GALNT2: variants seen among roughly 807,000 people sequenced by gnomAD.
GALNT2 encodes the protein UDP-GalNAc:polypeptide N-acetylgalactosaminyltransferase 2.
A neutral mutation model predicts 81.4 loss-of-function variants in GALNT2; 31 were observed. That is an observed-to-expected ratio of 0.38 (90% CI 0.29 to 0.51). The LOEUF (loss-of-function observed/expected upper bound fraction) is 0.51, where lower values mean the gene tolerates loss of function less well. GALNT2 is among the 20% of genes least tolerant of loss of function. GALNT2 has a pLI of 0.87. For synonymous variants in GALNT2, 303 were observed against 287.4 expected, an observed-to-expected ratio of 1.05 and a Z score of -0.55; for missense variants, 629 against 765.7, an observed-to-expected ratio of 0.82 and a Z score of 2.11.
chr1:230,263,797 A>G (rs926666348), intron 13 of GALNT2: 1 of 152,210 alleles, frequency 6.6e-6, no homozygotes, highest in Admixed American at 6.5e-5. Context: ...CGGCTCACAT[A>G]TCTCCAGCAC....
At position 230,236,001 on chromosome 1, in the gene GALNT2, T is replaced by A; in HGVS notation, c.375-13T>A. ...GGGTCATTGTTCAGAGGACCATCTT[T>A]CTCTTCCTGCAGGTGTCAGCGGAAG... is the stretch of plus-strand genomic sequence containing the variant. On this transcript the variant is annotated splice_polypyrimidine_tract_variant and intron_variant, in intron 3 of 15. Transcript: ENST00000366672. 6.2e-7 allele frequency: 1 copy of A among 1,613,536 alleles called. No individual in the cohort carries two copies. Among genetic ancestry groups the A allele is most frequent in the South Asian group, 1.1e-5 (1 of 91,050 alleles).
Position 230,243,538 on chromosome 1 carries a change from G to GGT in GALNT2, c.729+112_729+113dup. ...ACGCAGGGAGTAGGGCGTCAGGGCT[G>GGT]GTAGGGGCTGAGCTCGCCGTCTGCA... On this transcript the variant is annotated intron_variant, in intron 7 of 15. Coordinates refer to ENST00000366672, the MANE Select transcript of GALNT2 (RefSeq NM_004481.5). This position sits in a 1 kb window ranked among gnomAD's most constrained non-coding sequence, Gnocchi z 4.2. 6.6e-6 allele frequency: 9 copies of GGT among 1,359,642 alleles called. No homozygotes were observed. Among genetic ancestry groups the GGT allele is most frequent in the Non-Finnish European group, 8.8e-6 (9 of 1,020,584 alleles). 84.2% of individuals were successfully genotyped at this position (1,359,642 alleles called of 1,614,324 possible).
chr1:230,105,035 CTGTT>C (rs1237318127), intron 1 of GALNT2, among the ~76,000 whole-genome samples: 2 of 152,236 alleles, frequency 1.3e-5, no homozygotes, highest in Non-Finnish European at 2.9e-5. Context: ...ACCTTCGGCT[CTGTT>C]TGGGGCCCTT....
intron 1 of GALNT2, among the ~76,000 whole-genome samples, chr1:230,080,785 C>G (rs1278198011): frequency 6.6e-6 from 1 of 152,126 alleles, no homozygotes; most frequent in East Asian, 1.9e-4. Context: ...CTCAGTTTCC[C>G]CATTCACCTA....
intron 1 of GALNT2, among the ~76,000 whole-genome samples, chr1:230,133,426 G>A (rs115836226): frequency 0.016 from 2,441 of 150,778 alleles, 72 homozygotes; most frequent in African/African-American, 0.054. Context: ...GGTAGTTGAC[G>A]TTTCTGTTTC....
Position 230,203,265 on chromosome 1 carries a change from G to C in GALNT2, c.349G>C (p.Ala117Pro). ...GAGTGATAAGCTTCGAATGGACAGA[G>C]CCATCCCTGACACCCGGCATGACCA... ...VESDKLRMDR[A>P]IPDTRHDQCQ... is the part of the protein sequence containing the mutation. Residue 117 changes from alanine to proline, a missense_variant, in exon 3 of 16, where the codon GCC becomes CCC. This residue lies in a region of GALNT2 where 360 missense variants were observed against 492.8 expected (regional missense o/e 0.73). Coordinates refer to ENST00000366672, the MANE Select transcript of GALNT2 (RefSeq NM_004481.5). 3 of 1,614,152 alleles carry C rather than the reference G, an allele frequency of 1.9e-6. No homozygotes were observed. Among genetic ancestry groups the C allele is most frequent in the Non-Finnish European group, 2.5e-6 (3 of 1,180,006 alleles).
At chr1:230,209,806 A>G (rs1266631433) in intron 3 of GALNT2, among the ~76,000 whole-genome samples, 4 of 151,206 alleles carry the variant, frequency 2.6e-5, no homozygotes, top group Non-Finnish European at 5.9e-5. Context: ...CCTGGGTGGC[A>G]GAGCAAGACC....
In GALNT2 at chr1:230,262,923, A is replaced by G. The variant is rs1038245428; in HGVS notation, c.1231A>G (p.Ile411Val). The change falls in exon 13 of 16, where the codon ATT becomes GTT. Residue 411 changes from isoleucine to valine, a missense_variant and splice_region_variant. Coordinates refer to ENST00000366672, the MANE Select transcript of GALNT2 (RefSeq NM_004481.5). ...GAATCTTATTTCCCTCTTCTCCAGT[A>G]TTCAGAGCAGATTGGAGCTTAGGAA... is the stretch of plus-strand genomic sequence containing the variant. ...PSARNVPYGN[I>V]QSRLELRKKL... 6.2e-7 allele frequency: 1 copy of G among 1,612,862 alleles called. No individual in the cohort carries two copies. Among genetic ancestry groups the G allele is most frequent in the African/African-American group, 1.3e-5 (1 of 74,916 alleles).
In GALNT2 at chr1:230,236,735, T is replaced by C. The variant is rs759967873; in HGVS notation, c.607+10T>C. On this transcript the variant is annotated intron_variant, in intron 6 of 15. Transcript: ENST00000366672. ...AATGATCGACGAGAAGGTAAGATTC[T>C]TCTTAATTCAGCGCCAAGACAGTTG... The C allele has an allele frequency of 2.5e-6, 4 of 1,611,168 alleles. No homozygotes were observed. The highest frequency in any genetic ancestry group is 3.4e-6 in the Non-Finnish European group (4 of 1,179,104).
intron 1 of GALNT2, among the ~76,000 whole-genome samples, chr1:230,081,117 G>C (rs536611776): frequency 6.6e-6 from 1 of 152,314 alleles, no homozygotes; most frequent in South Asian, 2.1e-4. Context: ...GCCTGAAACT[G>C]TCATTCCTAG....
At chr1:230,183,443 G>A (rs777386518) in intron 2 of GALNT2, among the ~76,000 whole-genome samples, 3 of 151,548 alleles carry the variant, frequency 2.0e-5, no homozygotes, top group African/African-American at 4.9e-5. Flanking sequence ...TATCTATTAT[G>A]TGTCTTAAAA....
chr1:230,247,873 T>A (rs1665423155), intron 8 of GALNT2, among the ~76,000 whole-genome samples: 1 of 152,138 alleles, frequency 6.6e-6, no homozygotes, highest in Non-Finnish European at 1.5e-5. Context: ...AATAAGATAA[T>A]AGTAAACATC....
intron 1 of GALNT2, among the ~76,000 whole-genome samples, chr1:230,142,543 T>TG (rs1661779122): frequency 2.6e-5 from 4 of 152,176 alleles, no homozygotes; most frequent in Admixed American, 2.6e-4. Context: ...AGTACCTACC[T>TG]CCTAGGGCTC....
chr1:230,121,057 G>C (rs1411823638), intron 1 of GALNT2, among the ~76,000 whole-genome samples: 1 of 152,208 alleles, frequency 6.6e-6, no homozygotes, highest in Non-Finnish European at 1.5e-5. Context: ...ACTGCATCCT[G>C]CTGGCCACGT....
At chr1:230,191,778 G>A (rs1282708534) in intron 2 of GALNT2, among the ~76,000 whole-genome samples, 1 of 152,224 alleles carries the variant, frequency 6.6e-6, no homozygotes. Flanking sequence ...CTCCCAAAGT[G>A]CTGGGATCAT....
intron 2 of GALNT2, among the ~76,000 whole-genome samples, chr1:230,186,275 A>G (rs1477965807): frequency 6.6e-6 from 1 of 152,080 alleles, no homozygotes; most frequent in African/African-American, 2.4e-5. Context: ...TGCCCTCCCC[A>G]TGCGTTGTCC....
intron 1 of GALNT2, among the ~76,000 whole-genome samples, chr1:230,174,806 C>T (rs1662907085): frequency 6.6e-6 from 1 of 152,204 alleles, no homozygotes; most frequent in Non-Finnish European, 1.5e-5. Flanking sequence ...TCAGACTATC[C>T]TGCCGCTTCC....
intron 1 of GALNT2, among the ~76,000 whole-genome samples, chr1:230,155,222 G>A (rs1243370313): frequency 1.3e-5 from 2 of 152,196 alleles, no homozygotes; most frequent in African/African-American, 4.8e-5. Context: ...TCCTGAGGCA[G>A]TCACCGTTTG....
intron 1 of GALNT2, among the ~76,000 whole-genome samples, chr1:230,141,701 G>T (rs1333512822): frequency 6.6e-6 from 1 of 151,782 alleles, no homozygotes; most frequent in Non-Finnish European, 1.5e-5. Flanking sequence ...TGATGGACAC[G>T]TGGGTCCTTA....
Sources: allele counts gnomAD v4.1 joint callset (sites outside exome capture counted in the v4.1 genomes callset), GRCh38; gene constraint gnomAD v4.1.1; regional missense constraint gnomAD v4.1.1; non-coding constraint Gnocchi (gnomAD v3.1); transcripts MANE v1.5; gene names NCBI Gene and HGNC (gene_info 2026-07-23, HGNC 2026-07-21).